The following IKZF2 variants were observed in gnomAD, a reference collection of about 807,000 sequenced individuals.
IKZF2 encodes the protein zinc finger protein Helios.
Under a neutral mutation model 49.2 loss-of-function variants are expected in IKZF2, and 15 were observed. That is an observed-to-expected ratio of 0.30 (90% confidence interval 0.20 to 0.47). IKZF2 has a LOEUF of 0.47. Ranked by LOEUF, IKZF2 falls within the 20% of genes least tolerant of loss-of-function variation. IKZF2 has a pLI of 1.00. For missense variants in IKZF2, 567 were observed against 664.6 expected (o/e 0.85, Z 1.61); for synonymous variants, 227 against 221.4 (o/e 1.03, Z -0.23).
chr2:213,078,221 G>A (rs1703497804), intron 4 of IKZF2, among the ~76,000 whole-genome samples: 1 of 152,154 alleles, frequency 6.6e-6, no homozygotes, highest in Non-Finnish European at 1.5e-5. Context: ...ACTTAAAAAT[G>A]TAGACAGTAA....
chr2:213,057,565 T>C (rs1701280902), intron 4 of IKZF2, among the ~76,000 whole-genome samples: 1 of 152,132 alleles, frequency 6.6e-6, no homozygotes, highest in South Asian at 2.1e-4. Flanking sequence ...TAAACCTGCT[T>C]CTGAACAGGG....
rs1337964143 is a variant in IKZF2, at chr2:213,003,595, C to G, written c.*3765G>C. On this transcript the variant is annotated 3_prime_UTR_variant, in exon 9 of 9. Transcript: ENST00000434687. ...GCTTGTATTTTTACAGCCCCGTCTG[C>G]TCTTTTTGTACCCTAAGAAATCATT... is the stretch of plus-strand genomic sequence containing the variant. 6.6e-6 allele frequency: 1 copy of G among 151,736 alleles called. No homozygotes were observed. The highest frequency in any genetic ancestry group is 3.4e-3 in the Middle Eastern group (1 of 294). The allele number at this position is 151,736 out of a possible 1,614,324, so 9.4% of individuals were successfully genotyped here.
chr2:213,106,677 G>GA (rs985161718), intron 4 of IKZF2, among the ~76,000 whole-genome samples: 5 of 149,718 alleles, frequency 3.3e-5, no homozygotes, highest in South Asian at 2.1e-4. Flanking sequence ...AAGAAAAGAA[G>GA]AAAAAAAATG....
chr2:213,150,727 G>C (rs1259281338), intron 1 of IKZF2, among the ~76,000 whole-genome samples: 2 of 144,314 alleles, frequency 1.4e-5, no homozygotes, highest in Non-Finnish European at 1.5e-5. Flanking sequence ...GTAGAGGGGA[G>C]GGACAGTCAG....
intron 4 of IKZF2, among the ~76,000 whole-genome samples, chr2:213,114,709 G>A (rs1037445891): frequency 7.2e-5 from 11 of 152,076 alleles, no homozygotes; most frequent in Non-Finnish European, 7.4e-5. Context: ...CAACCTGGGC[G>A]GATCACGAGG....
chr2:213,005,579 A>G lies in IKZF2; in HGVS notation c.*1781T>C, dbSNP rs1233472810. On this transcript the variant is annotated 3_prime_UTR_variant, in exon 9 of 9. Transcript: ENST00000434687. The stretch of plus-strand genomic sequence containing the variant: ...CTCATACCACACTGTATTAAGATAC[A>G]TAATTTCAGCATCCTATTTAATGAT... The G allele has an allele frequency of 6.6e-6, 1 of 152,022 alleles. No individual in the cohort carries two copies. The highest frequency in any genetic ancestry group is 2.4e-5 in the African/African-American group (1 of 41,418). 9.4% of individuals were successfully genotyped at this position (152,022 alleles called of 1,614,324 possible).
intron 4 of IKZF2, among the ~76,000 whole-genome samples, chr2:213,057,610 T>C (rs1701287109): frequency 6.6e-6 from 1 of 152,156 alleles, no homozygotes; most frequent in Admixed American, 6.6e-5. Context: ...ATCCAGCAAA[T>C]GTCTTTGACA....
intron 4 of IKZF2, among the ~76,000 whole-genome samples, chr2:213,124,514 T>C (rs574859407): frequency 3.0e-4 from 46 of 152,154 alleles, no homozygotes; most frequent in Admixed American, 2.3e-3. Flanking sequence ...CTGCAAACCA[T>C]CCCGTTCCCG....
At chr2:213,012,088 G>A (rs1464736040) in intron 8 of IKZF2, among the ~76,000 whole-genome samples, 1 of 151,954 alleles carries the variant, frequency 6.6e-6, no homozygotes. Flanking sequence ...CATGGAGAAG[G>A]CAATTTATAA....
chr2:213,085,738 A>G lies in IKZF2; in HGVS notation c.140-28639T>C, dbSNP rs576477098. Among the ~76,000 whole-genome samples the G allele has an allele frequency of 2.0e-5, 3 of 152,320 alleles. No homozygotes were observed. In the East Asian group the frequency reaches 5.8e-4, roughly 29 times the overall value. On this transcript the variant is annotated intron_variant, in intron 4 of 8. Transcript: ENST00000434687. Reference sequence around the variant, plus strand: ...CGATGTTGGGTCAGCCTGCCAGACAATGCATGCACTCTATTTAAGAACTAT... The same window carrying G: ...CGATGTTGGGTCAGCCTGCCAGACAGTGCATGCACTCTATTTAAGAACTAT...
intron 4 of IKZF2, among the ~76,000 whole-genome samples, chr2:213,098,467 C>A (rs910621626): frequency 1.3e-5 from 2 of 152,136 alleles, no homozygotes; most frequent in South Asian, 2.1e-4. Context: ...AACAAATGAT[C>A]ACCCTTACTA....
In IKZF2 at chr2:213,007,764, G is replaced by T; in HGVS notation, c.1177C>A (p.Pro393Thr). The change falls in exon 9 of 9, where the codon CCC becomes ACC. Residue 393 changes from proline (P) to threonine (T), a missense_variant. Coordinates refer to ENST00000434687, the MANE Select transcript of IKZF2 (RefSeq NM_001387220.1). Reference protein sequence around the residue: ...PISLIRPKSRPQEREASPSNS... With the variant: ...PISLIRPKSRTQEREASPSNS... Reference sequence around the variant, plus strand: ...CTGGGAGAGGCCTCTCTTTCCTGGGGTCGACTCTTTGGTCTGATGAGAGAG... The same window carrying T: ...CTGGGAGAGGCCTCTCTTTCCTGGGTTCGACTCTTTGGTCTGATGAGAGAG... 6.2e-7 allele frequency: 1 copy of T among 1,613,712 alleles called. No homozygotes were observed. The highest frequency in any genetic ancestry group is 8.5e-7 in the Non-Finnish European group (1 of 1,179,762).
intron 4 of IKZF2, among the ~76,000 whole-genome samples, chr2:213,080,559 A>G (rs994731100): frequency 1.3e-5 from 2 of 152,190 alleles, no homozygotes; most frequent in African/African-American, 4.8e-5. Flanking sequence ...GTATGACTGT[A>G]AGAGACATGG....
chr2:213,047,313 ATGG>A (rs1387335910), intron 6 of IKZF2, among the ~76,000 whole-genome samples: 1 of 152,118 alleles, frequency 6.6e-6, no homozygotes, highest in East Asian at 1.9e-4. Context: ...AGCTGGCTAC[ATGG>A]AGTGGTGAAA....
chr2:213,049,235 G>A (rs571050621), intron 6 of IKZF2, among the ~76,000 whole-genome samples: 6 of 151,656 alleles, frequency 4.0e-5, no homozygotes, highest in African/African-American at 1.5e-4. Context: ...TAAAATACTC[G>A]AAAAGCCAAT....
Position 213,005,400 on chromosome 2 carries a change from C to A in IKZF2, c.*1960G>T, listed in dbSNP as rs1305991314. On this transcript the variant is annotated 3_prime_UTR_variant, in exon 9 of 9. Coordinates refer to ENST00000434687, the MANE Select transcript of IKZF2 (RefSeq NM_001387220.1). The stretch of plus-strand genomic sequence containing the variant: ...GGGACTAGTAGAAGAGAGCTGAGTT[C>A]TAACCATTTTTGCCTAGTTCTAGCT... 2 of 151,902 alleles carry A rather than the reference C, an allele frequency of 1.3e-5. No homozygotes were observed. Among genetic ancestry groups the A allele is most frequent in the African/African-American group, 2.4e-5 (1 of 41,384 alleles). The allele number at this position is 151,902 out of a possible 1,614,324, so 9.4% of individuals were successfully genotyped here. A position where few individuals can be genotyped will look rare whatever the true frequency, so the allele number is the denominator to read the frequency against.
At chr2:213,049,942 A>G (rs1483713319) in intron 5 of IKZF2, 62 bp from the exon 6 acceptor site, 2 of 1,225,284 alleles carry the variant, frequency 1.6e-6, no homozygotes, top group Non-Finnish European at 2.2e-6. Flanking sequence ...CTAATTTGCC[A>G]TCCACTGTTA....
At chr2:213,067,734 CA>C (rs1218699271) in intron 4 of IKZF2, among the ~76,000 whole-genome samples, 1 of 152,024 alleles carries the variant, frequency 6.6e-6, no homozygotes, top group Non-Finnish European at 1.5e-5. Context: ...GCTTTTATGG[CA>C]CTAGTGAAAG....
intron 4 of IKZF2, among the ~76,000 whole-genome samples, chr2:213,140,885 A>T (rs1038828556): frequency 6.6e-6 from 1 of 152,068 alleles, no homozygotes; most frequent in Non-Finnish European, 1.5e-5. Flanking sequence ...CTGTTAAAGT[A>T]ATATGGGCAG....
Sources: gnomAD v4.1 joint callset for allele counts (sites outside exome capture counted in the v4.1 genomes callset) on GRCh38, gnomAD v4.1.1 for gene constraint, MANE v1.5 for transcripts, NCBI Gene and HGNC (gene_info 2026-07-23, HGNC 2026-07-21) for gene names.